Variants in DRP2 observed in about 807,000 individuals in gnomAD.
DRP2 encodes the protein dystrophin related protein 2.
A neutral mutation model predicts 78.2 loss-of-function variants in DRP2; 29 were observed. The observed-to-expected ratio is 0.37, with a 90% CI of 0.28 to 0.51. The LOEUF is 0.51. Ranked by LOEUF, DRP2 falls within the 20% of genes least tolerant of loss-of-function variation. DRP2 has a pLI of 0.94. For synonymous variants in DRP2, 290 were observed against 281.9 expected, an observed-to-expected ratio of 1.03 and a Z score of -0.29; for missense variants, 686 against 770.6, an observed-to-expected ratio of 0.89 and a Z score of 1.30.
chrX:101,246,471 C>T (rs757621365), intron 11 of DRP2, among the ~76,000 whole-genome samples: 15 of 112,343 alleles, frequency 1.3e-4, no homozygotes, highest in Admixed American at 3.8e-4. Flanking sequence ...TTGACAGACA[C>T]GTGGGTCATT....
chrX:101,240,492 C>T (rs993371103), intron 6 of DRP2, among the ~76,000 whole-genome samples: 1 of 112,519 alleles, frequency 8.9e-6, no homozygotes, highest in African/African-American at 3.2e-5. Context: ...TGCTTGGCCT[C>T]CTGAAGTGTT....
chrX:101,241,200 C>T (rs184000964), intron 6 of DRP2, among the ~76,000 whole-genome samples: 47 of 111,898 alleles, frequency 4.2e-4, no homozygotes, highest in African/African-American at 1.5e-3. Context: ...ACTGTGGTGG[C>T]GGATATATAA....
rs1922554704 is a variant in DRP2, at chrX:101,237,610, T to C, written c.282-9T>C. On this transcript the variant is annotated splice_polypyrimidine_tract_variant and intron_variant, in intron 4 of 23. Coordinates refer to ENST00000395209, the MANE Select transcript of DRP2 (RefSeq NM_001939.3). Reference sequence around the variant, plus strand: ...ACTGAACATCACTGGTTTTACTCATTGTGTGCAGCGCTCGCCTAGAGGCCT... The same window carrying C: ...ACTGAACATCACTGGTTTTACTCATCGTGTGCAGCGCTCGCCTAGAGGCCT... 1 of 1,070,120 alleles carries C rather than the reference T, an allele frequency of 9.3e-7. No homozygotes were observed. The highest frequency in any genetic ancestry group is 3.0e-5 in the South Asian group (1 of 32,796). 88.2% of individuals were successfully genotyped at this position (1,070,120 alleles called of 1,213,427 possible).
chrX:101,235,145 AGAG>A (rs1922451210), intron 3 of DRP2, among the ~76,000 whole-genome samples: 1 of 111,726 alleles, frequency 9.0e-6, no homozygotes. Flanking sequence ...AGTGCCCAGG[AGAG>A]CAAGCAATAG....
At chrX:101,256,061 A>G in intron 20 of DRP2, 57 bp from the exon 21 acceptor site, 3 of 1,115,714 alleles carry the variant, frequency 2.7e-6, no homozygotes, top group East Asian at 3.2e-5. Context: ...CTGAGAGCTG[A>G]GTTGTTTCTC....
intron 21 of DRP2, 32 bp downstream of exon 21, chrX:101,256,293 G>T (rs1011993850): frequency 8.9e-7 from 1 of 1,128,680 alleles, no homozygotes; most frequent in Non-Finnish European, 1.2e-6. Context: ...ATCTGTGTGG[G>T]TTCTTGAGGC....
rs768046985 is a variant in DRP2, at chrX:101,248,191, C to T, written c.1355C>T (p.Thr452Ile). 3 of 1,210,016 alleles carry T rather than the reference C, an allele frequency of 2.5e-6. No homozygotes were observed. In the Admixed American group the frequency reaches 6.6e-5, roughly 26 times the overall value. ...MDVVEVIHCL[T>I]ALYERLEEER... Reference sequence around the variant, plus strand: ...GTGGTAGAGGTCATTCACTGCCTGACTGCCTTATATGAACGTTTGGAGGAG... The same window carrying T: ...GTGGTAGAGGTCATTCACTGCCTGATTGCCTTATATGAACGTTTGGAGGAG... Residue 452 changes from threonine to isoleucine, a missense_variant, in exon 13 of 24, where the codon ACT becomes ATT. Thr to Ile is a moderately conservative substitution (Grantham distance 89, BLOSUM62 -1). Around this residue, in one of 2 missense-constraint regions of DRP2, gnomAD observed 423 missense variants for 531.5 expected, o/e 0.80. Coordinates refer to ENST00000395209, the MANE Select transcript of DRP2 (RefSeq NM_001939.3).
chrX:101,237,350 G>A (rs1378411461), intron 4 of DRP2, among the ~76,000 whole-genome samples: 2 of 111,438 alleles, frequency 1.8e-5, no homozygotes, highest in African/African-American at 6.5e-5. Context: ...GATCCACAAA[G>A]TGACATTTTA....
chrX:101,263,861 C>T lies in DRP2; in HGVS notation c.*3240C>T, dbSNP rs1923651424. ...CCTCCAGATTCATTTTAAGGAATAT[C>T]TGTGCTTCCTGATGTGTGTGCTTGA... On this transcript the variant is annotated 3_prime_UTR_variant, in exon 24 of 24. Coordinates refer to ENST00000395209, the MANE Select transcript of DRP2 (RefSeq NM_001939.3). 1 of 111,662 alleles carries T rather than the reference C, an allele frequency of 9.0e-6. No individual in the cohort carries two copies. Among genetic ancestry groups the T allele is most frequent in the African/African-American group, 3.3e-5 (1 of 30,727 alleles). The allele number at this position is 111,662 out of a possible 1,213,427, so 9.2% of individuals were successfully genotyped here.
At chrX:101,233,437 C>G (rs1476318135) in intron 3 of DRP2, among the ~76,000 whole-genome samples, 1 of 111,916 alleles carries the variant, frequency 8.9e-6, no homozygotes, top group Non-Finnish European at 1.9e-5. Context: ...GGCTCCACCC[C>G]AGAACCCCAG....
Position 101,256,146 on chromosome X carries a change from T to A in DRP2, c.2275T>A (p.Ser759Thr). The change falls in exon 21 of 24, where the codon TCC becomes ACC. Residue 759 changes from serine (S) to threonine (T), a missense_variant. By Grantham distance (58) the Ser-to-Thr change is moderately conservative (BLOSUM62 1). Around this residue, in one of 2 missense-constraint regions of DRP2, gnomAD observed 423 missense variants for 531.5 expected, o/e 0.80. Transcript: ENST00000395209. The part of the protein sequence containing the change: ...IDEDQYLLRH[S>T]SPITDREPAF... ...CGAGGACCAGTACCTGCTGCGGCAC[T>A]CCAGCCCCATCACAGACCGGGAGCC... 8.3e-7 allele frequency: 1 copy of A among 1,204,596 alleles called. No individual in the cohort carries two copies. Among genetic ancestry groups the A allele is most frequent in the African/African-American group, 1.7e-5 (1 of 57,486 alleles).
chrX:101,245,549 T>A (rs1922904014), intron 11 of DRP2, 100 bp downstream of exon 11: 13 of 660,578 alleles, frequency 2.0e-5, no homozygotes, highest in Non-Finnish European at 3.0e-5. Context: ...ATGTGGTATA[T>A]CCATGTAATG....
intron 2 of DRP2, among the ~76,000 whole-genome samples, chrX:101,231,274 C>T (rs1251959677): frequency 8.9e-6 from 1 of 112,378 alleles, no homozygotes; most frequent in Non-Finnish European, 1.9e-5. Flanking sequence ...TTAGCATTTG[C>T]TATGTAAGCA....
chrX:101,232,373 G>A (rs1922338413), intron 3 of DRP2, among the ~76,000 whole-genome samples: 1 of 111,252 alleles, frequency 9.0e-6, no homozygotes, highest in Non-Finnish European at 1.9e-5. Context: ...CAATGAGGGA[G>A]GTCTAGGGAA....
chrX:101,259,562 G>A (rs1438739747), intron 22 of DRP2, among the ~76,000 whole-genome samples: 4 of 111,669 alleles, frequency 3.6e-5, no homozygotes, highest in Admixed American at 1.9e-4. Context: ...GTAATGGCTC[G>A]ATCTCAGCTC....
Position 101,248,062 on chromosome X carries a change from T to C in DRP2, c.1253-27T>C, listed in dbSNP as rs775798755. The C allele has an allele frequency of 4.6e-5, 55 of 1,193,941 alleles. No individual in the cohort carries two copies. In the Middle Eastern group the frequency reaches 7.0e-4, roughly 15 times the overall value. Reference sequence around the variant, plus strand: ...GGGGTTCTACTTTTGGCTATATTTTTTTTCTCTTCTCTTCTTTCCTTACCA... The same window carrying C: ...GGGGTTCTACTTTTGGCTATATTTTCTTTCTCTTCTCTTCTTTCCTTACCA... On this transcript the variant is annotated intron_variant, in intron 12 of 23. Transcript: ENST00000395209.
At chrX:101,237,889 C>T (rs944274087) in intron 5 of DRP2, 114 bp downstream of exon 5, 35 of 754,769 alleles carry the variant, frequency 4.6e-5, no homozygotes, top group Non-Finnish European at 5.3e-5. Flanking sequence ...GAATAGGAGG[C>T]TGTATGCAGT....
chrX:101,220,802 A>AT (rs970029993), intron 1 of DRP2, among the ~76,000 whole-genome samples: 6 of 110,948 alleles, frequency 5.4e-5, no homozygotes, highest in African/African-American at 2.0e-4. Context: ...TTCCTGTGAC[A>AT]TTTTTCCCCC....
intron 14 of DRP2, among the ~76,000 whole-genome samples, chrX:101,249,989 A>G (rs1822614856): frequency 9.0e-6 from 1 of 111,703 alleles, no homozygotes; most frequent in East Asian, 2.8e-4. Flanking sequence ...GACTACATAA[A>G]CAGGAGAGAT....
Sources: gnomAD v4.1 joint callset for allele counts (sites outside exome capture counted in the v4.1 genomes callset) on GRCh38, gnomAD v4.1.1 for gene constraint, gnomAD v4.1.1 regional missense constraint, MANE v1.5 for transcripts, NCBI Gene and HGNC (gene_info 2026-07-23, HGNC 2026-07-21) for gene names.